TNS3: variants seen among roughly 807,000 people sequenced by gnomAD.
TNS3 encodes tensin-3.
In TNS3, 45 loss-of-function variants were observed where a neutral mutation model predicts 140.9. The ratio of observed to expected loss-of-function variants is 0.32; its 90% CI spans 0.25 to 0.41. The LOEUF (loss-of-function observed/expected upper bound fraction) is 0.41, where lower values mean the gene tolerates loss of function less well. Among genes scored for constraint, TNS3 ranks in the 10% least tolerant of loss-of-function variants. TNS3 has a pLI of 1.00. For synonymous variants in TNS3, 815 were observed against 788.4 expected (o/e 1.03, Z -0.56); for missense variants, 1,716 against 1,906.7 (o/e 0.90, Z 1.86).
chr7:47,392,426 C>T (rs1488830466), intron 16 of TNS3, among the ~76,000 whole-genome samples: 1 of 152,176 alleles, frequency 6.6e-6, no homozygotes, highest in East Asian at 1.9e-4. Context: ...GCAACCACTG[C>T]TAGAGATAAA....
intron 12 of TNS3, 25 bp downstream of exon 12, chr7:47,413,910 AGC>A: frequency 6.9e-7 from 1 of 1,457,110 alleles, no homozygotes; most frequent in South Asian, 1.2e-5. Flanking sequence ...GTCCCACAAC[AGC>A]AGCAGCAGCA....
intron 3 of TNS3, chr7:47,481,608 A>AT: frequency 1.0e-6 from 1 of 963,344 alleles, no homozygotes; most frequent in Non-Finnish European, 1.2e-6. Flanking sequence ...TTCTAGAACT[A>AT]TTTCTACAAG....
At chr7:47,287,553 C>A (rs1007676734) in intron 27 of TNS3, among the ~76,000 whole-genome samples, 1 of 152,172 alleles carries the variant, frequency 6.6e-6, no homozygotes, top group Non-Finnish European at 1.5e-5. Flanking sequence ...TCAGAGATTG[C>A]AATAATTCCA....
At chr7:47,379,342 G>A (rs1245150619) in intron 16 of TNS3, among the ~76,000 whole-genome samples, 1 of 152,178 alleles carries the variant, frequency 6.6e-6, no homozygotes, top group South Asian at 2.1e-4. Flanking sequence ...TTTATAATTA[G>A]AGCATGTATA....
chr7:47,371,428 G>A (rs142447127), intron 16 of TNS3, among the ~76,000 whole-genome samples: 52 of 152,294 alleles, frequency 3.4e-4, no homozygotes, highest in African/African-American at 1.1e-3. Flanking sequence ...AGGAGGTGGA[G>A]GTGGGCCTAG....
chr7:47,461,379 T>G (rs1252793450), intron 4 of TNS3, among the ~76,000 whole-genome samples: 3 of 152,176 alleles, frequency 2.0e-5, no homozygotes, highest in African/African-American at 7.2e-5. Context: ...TGAGACAATA[T>G]GGAATGCATG....
chr7:47,494,730 T>A (rs1584769245), intron 3 of TNS3, among the ~76,000 whole-genome samples: 1 of 152,058 alleles, frequency 6.6e-6, no homozygotes. Flanking sequence ...AAAAATGAAC[T>A]CCGCCAGCTG....
intron 15 of TNS3, among the ~76,000 whole-genome samples, chr7:47,398,845 A>G (rs1260178404): frequency 2.6e-5 from 4 of 152,220 alleles, no homozygotes; most frequent in Non-Finnish European, 5.9e-5. Flanking sequence ...AAGAGAAAGA[A>G]ATAAAGGGCA....
At chr7:47,534,135 G>A (rs530814388) in intron 1 of TNS3, among the ~76,000 whole-genome samples, 8 of 152,068 alleles carry the variant, frequency 5.3e-5, no homozygotes, top group East Asian at 3.9e-4. Flanking sequence ...TTAGCTGGGC[G>A]TGGTGGCGGG....
chr7:47,554,404 G>T (rs570029093), intron 1 of TNS3, among the ~76,000 whole-genome samples: 53 of 147,834 alleles, frequency 3.6e-4, no homozygotes, highest in African/African-American at 1.3e-3. Context: ...GGTGACAGAG[G>T]AAGACTCCAT....
intron 8 of TNS3, among the ~76,000 whole-genome samples, chr7:47,429,555 G>C (rs748042852): frequency 6.6e-6 from 1 of 152,280 alleles, no homozygotes; most frequent in East Asian, 1.9e-4. Flanking sequence ...TTTTAGTAGA[G>C]ATGGGGTTTC....
chr7:47,497,290 G>A (rs2151848922), intron 3 of TNS3, among the ~76,000 whole-genome samples: 1 of 152,286 alleles, frequency 6.6e-6, no homozygotes, highest in Non-Finnish European at 1.5e-5. Context: ...TGACACTGTA[G>A]ACATCTACAG....
chr7:47,448,084 A>T (rs1345365116), intron 4 of TNS3, among the ~76,000 whole-genome samples: 3 of 152,214 alleles, frequency 2.0e-5, no homozygotes, highest in Admixed American at 6.5e-5. Flanking sequence ...AGATTCCCCA[A>T]GGCCACTGCC....
At chr7:47,581,457 G>T (rs1410511397) in intron 1 of TNS3, 1 of 152,174 alleles carries the variant, frequency 6.6e-6, no homozygotes, top group Non-Finnish European at 1.5e-5. Flanking sequence ...GAAAAAGTAG[G>T]AGAAGGGTCT....
chr7:47,475,404 C>A (rs1797151760), intron 4 of TNS3, among the ~76,000 whole-genome samples: 1 of 152,254 alleles, frequency 6.6e-6, no homozygotes, highest in African/African-American at 2.4e-5. Flanking sequence ...CTGGTGCGGG[C>A]TCGGGACCTG....
intron 1 of TNS3, among the ~76,000 whole-genome samples, chr7:47,576,115 G>A (rs1220840094): frequency 6.6e-6 from 1 of 151,998 alleles, no homozygotes; most frequent in Non-Finnish European, 1.5e-5. Context: ...TCTCTATCAC[G>A]CTGGCCTCCC....
At chr7:47,400,699 A>C (rs1051413366) in intron 14 of TNS3, 86 bp downstream of exon 14, 3 of 1,543,796 alleles carry the variant, frequency 1.9e-6, no homozygotes, top group African/African-American at 2.8e-5. Context: ...TTTTGGAAAG[A>C]GGGTAAAGGG....
At chr7:47,582,393 G>A (rs1216766144), upstream of TNS3, 1 of 456,224 alleles carries the variant, frequency 2.2e-6, no homozygotes, top group Non-Finnish European at 4.4e-6. Context: ...TGGTCTGGAG[G>A]CTTGCAGGTT....
chr7:47,568,580 G>T (rs1345210985), intron 1 of TNS3, among the ~76,000 whole-genome samples: 1 of 152,232 alleles, frequency 6.6e-6, no homozygotes, highest in Admixed American at 6.5e-5. Flanking sequence ...CCCGCACAGG[G>T]CCTCACACAC....
Sources: allele counts gnomAD v4.1 joint callset (sites outside exome capture counted in the v4.1 genomes callset), GRCh38; gene constraint gnomAD v4.1.1; transcripts MANE v1.5; gene names NCBI Gene and HGNC (gene_info 2026-07-23, HGNC 2026-07-21).